ATRNL1: variants seen among roughly 807,000 people sequenced by gnomAD.
ATRNL1 encodes attractin-like protein 1.
A neutral mutation model predicts 182.7 loss-of-function variants in ATRNL1; 95 were observed. That is an observed-to-expected ratio of 0.52 (90% CI 0.44 to 0.62). ATRNL1 has a LOEUF of 0.62. Ranked by LOEUF, ATRNL1 falls within the 20% of genes least tolerant of loss-of-function variation. The pLI is 0.00. For missense variants in ATRNL1, 1,471 were observed against 1,679.5 expected, an observed-to-expected ratio of 0.88 and a Z score of 2.17; for synonymous variants, 576 against 568.3, an observed-to-expected ratio of 1.01 and a Z score of -0.19.
chr10:115,532,492 C>A (rs1851656820), intron 25 of ATRNL1, among the ~76,000 whole-genome samples: 1 of 152,114 alleles, frequency 6.6e-6, no homozygotes, highest in South Asian at 2.1e-4. Context: ...TGAGACTTTG[C>A]TGAAGTTGCT....
intron 26 of ATRNL1, among the ~76,000 whole-genome samples, chr10:115,626,739 T>C (rs1010612256): frequency 3.3e-5 from 5 of 152,184 alleles, no homozygotes; most frequent in Non-Finnish European, 4.4e-5. Flanking sequence ...AGAAAATATT[T>C]ATTACTTATT....
chr10:115,281,355 T>C lies in ATRNL1; in HGVS notation c.2101T>C (p.Ser701Pro), dbSNP rs375546867. The change falls in exon 14 of 29, where the codon TCT (serine) becomes CCT (proline). Residue 701 changes from serine to proline, a missense_variant and splice_region_variant. Physicochemically the swap from Ser to Pro is moderately conservative, Grantham distance 74. Transcript: ENST00000355044. ...CISANSNCSMSVKNYTKCHVR... is the reference protein window; with the variant it reads ...CISANSNCSMPVKNYTKCHVR... ...ATAACATGCTCTTTTAATTTTGTAG[T>C]CTGTCAAGAACTACACCAAATGTCA... 3 of 1,606,468 alleles carry C rather than the reference T, an allele frequency of 1.9e-6. No homozygotes were observed. Among genetic ancestry groups the C allele is most frequent in the African/African-American group, 2.7e-5 (2 of 74,544 alleles).
intron 26 of ATRNL1, among the ~76,000 whole-genome samples, chr10:115,626,000 A>G (rs930553223): frequency 6.6e-6 from 1 of 152,286 alleles, no homozygotes; most frequent in East Asian, 1.9e-4. Flanking sequence ...CCTGCCTTGC[A>G]GAGTAAATAT....
chr10:115,916,959 C>A (rs575978030), intron 28 of ATRNL1, among the ~76,000 whole-genome samples: 2 of 152,144 alleles, frequency 1.3e-5, no homozygotes, highest in Admixed American at 6.5e-5. Context: ...TGCCTCTAGG[C>A]GTGGCGCAAA....
chr10:115,744,285 A>G (rs1431966352), intron 27 of ATRNL1, among the ~76,000 whole-genome samples: 3 of 152,156 alleles, frequency 2.0e-5, no homozygotes, highest in African/African-American at 7.2e-5. Context: ...GACCTCATTC[A>G]TTAAGCAAAA....
At chr10:115,322,513 C>A (rs1310052922) in intron 18 of ATRNL1, among the ~76,000 whole-genome samples, 1 of 151,750 alleles carries the variant, frequency 6.6e-6, no homozygotes, top group African/African-American at 2.4e-5. Flanking sequence ...AAAATAATTC[C>A]TTAAAAATAT....
chr10:115,445,346 G>A (rs1252662134), intron 21 of ATRNL1, among the ~76,000 whole-genome samples: 1 of 139,772 alleles, frequency 7.2e-6, no homozygotes, highest in Non-Finnish European at 1.5e-5. Context: ...CACAAGAATT[G>A]CTTGAACCTG....
intron 28 of ATRNL1, among the ~76,000 whole-genome samples, chr10:115,901,480 T>C (rs1193812983): frequency 1.3e-5 from 2 of 152,194 alleles, no homozygotes; most frequent in Non-Finnish European, 2.9e-5. Context: ...CAAACCAAAA[T>C]GGTAACTGTT....
chr10:115,816,400 A>G (rs765666077), intron 27 of ATRNL1, among the ~76,000 whole-genome samples: 5 of 152,180 alleles, frequency 3.3e-5, no homozygotes, highest in Non-Finnish European at 7.4e-5. Flanking sequence ...TTCAACAAAT[A>G]CATAGTGAGA....
intron 26 of ATRNL1, among the ~76,000 whole-genome samples, chr10:115,594,723 T>A (rs1856125506): frequency 6.6e-6 from 1 of 152,182 alleles, no homozygotes; most frequent in Admixed American, 6.5e-5. Context: ...CAGGCTGGTC[T>A]TAAACTCCTG....
Position 115,569,024 on chromosome 10 carries a change from A to G in ATRNL1, c.3795+19488A>G, listed in dbSNP as rs575654705. Among the ~76,000 whole-genome samples, 4 of 152,168 alleles carry G rather than the reference A, an allele frequency of 2.6e-5. No homozygotes were observed. The East Asian group carries it at 7.7e-4, about 29-fold the overall frequency. ...TTGCACAACATTTTTGTGTACCACC[A>G]AGAAAGAAAAAATCTTGGCAATTAA... On this transcript the variant is annotated intron_variant, in intron 26 of 28. Coordinates refer to ENST00000355044, the MANE Select transcript of ATRNL1 (RefSeq NM_207303.4).
chr10:115,561,609 G>A (rs1853714003), intron 26 of ATRNL1, among the ~76,000 whole-genome samples: 2 of 151,170 alleles, frequency 1.3e-5, no homozygotes, highest in Admixed American at 1.3e-4. Context: ...AGCATCTCTG[G>A]ATTTTGGTAT....
At chr10:115,736,168 T>A (rs955984398) in intron 27 of ATRNL1, among the ~76,000 whole-genome samples, 1 of 152,188 alleles carries the variant, frequency 6.6e-6, no homozygotes, top group Admixed American at 6.5e-5. Flanking sequence ...GTGTTAAACC[T>A]CTTTCCATCT....
intron 21 of ATRNL1, among the ~76,000 whole-genome samples, chr10:115,446,850 T>C (rs1299774475): frequency 3.3e-5 from 5 of 151,914 alleles, no homozygotes; most frequent in Non-Finnish European, 7.4e-5. Context: ...TAATTGTGGA[T>C]CTCCGATTTT....
chr10:115,927,994 C>A (rs1408863809), intron 28 of ATRNL1, among the ~76,000 whole-genome samples: 1 of 151,996 alleles, frequency 6.6e-6, no homozygotes, highest in Non-Finnish European at 1.5e-5. Context: ...AATAATCCCT[C>A]TTCAGAATTT....
At chr10:115,251,616 G>C (rs2133844097) in intron 10 of ATRNL1, among the ~76,000 whole-genome samples, 1 of 152,236 alleles carries the variant, frequency 6.6e-6, no homozygotes, top group African/African-American at 2.4e-5. Context: ...TCATGGCTTT[G>C]GTAATTGGCA....
chr10:115,806,039 G>C (rs529740562), intron 27 of ATRNL1, among the ~76,000 whole-genome samples: 1 of 152,176 alleles, frequency 6.6e-6, no homozygotes, highest in African/African-American at 2.4e-5. Flanking sequence ...ACAGTCTCTT[G>C]CTTTATTGAT....
chr10:115,739,767 G>A (rs1948083790), intron 27 of ATRNL1, among the ~76,000 whole-genome samples: 2 of 152,068 alleles, frequency 1.3e-5, no homozygotes, highest in South Asian at 2.1e-4. Flanking sequence ...TTTATGTCTG[G>A]TAGTATGCAG....
chr10:115,564,826 G>A (rs937297873), intron 26 of ATRNL1, among the ~76,000 whole-genome samples: 3 of 151,570 alleles, frequency 2.0e-5, no homozygotes, highest in East Asian at 1.9e-4. Flanking sequence ...CATTACTTAC[G>A]CTAATAATAG....
Sources: allele counts gnomAD v4.1 joint callset (sites outside exome capture counted in the v4.1 genomes callset), GRCh38; gene constraint gnomAD v4.1.1; transcripts MANE v1.5; gene names NCBI Gene and HGNC (gene_info 2026-07-23, HGNC 2026-07-21).